CDYL2: variants seen among roughly 807,000 people sequenced by gnomAD.
The protein encoded by CDYL2 is chromodomain Y-like protein 2.
A neutral mutation model predicts 49.4 loss-of-function variants in CDYL2; 23 were observed. That is an observed-to-expected ratio of 0.47 (90% CI 0.34 to 0.66). The LOEUF (loss-of-function observed/expected upper bound fraction) is 0.66. Among genes scored for constraint, CDYL2 ranks in the 30% least tolerant of loss-of-function variants. The pLI is 0.01. For synonymous variants in CDYL2, 360 were observed against 268.8 expected (o/e 1.34, Z -3.32); for missense variants, 678 against 656.4 (o/e 1.03, Z -0.36).
At chr16:80,699,169 G>C (rs1904288594) in intron 1 of CDYL2, among the ~76,000 whole-genome samples, 1 of 152,114 alleles carries the variant, frequency 6.6e-6, no homozygotes, top group Admixed American at 6.5e-5. Flanking sequence ...TATATCCAAA[G>C]GAAGGAAAAT....
intron 1 of CDYL2, among the ~76,000 whole-genome samples, chr16:80,690,849 GA>G (rs1238639285): frequency 7.9e-5 from 12 of 152,216 alleles, no homozygotes; most frequent in Admixed American, 4.6e-4. Context: ...GGTCCAAATG[GA>G]AACAGACTCA....
At chr16:80,644,124 A>T (rs1908228156) in intron 2 of CDYL2, among the ~76,000 whole-genome samples, 1 of 152,232 alleles carries the variant, frequency 6.6e-6, no homozygotes, top group Admixed American at 6.5e-5. Context: ...TTCACGAGAC[A>T]CACTAAATCA....
At chr16:80,631,441 A>T (rs1478501575) in intron 3 of CDYL2, among the ~76,000 whole-genome samples, 10 of 152,198 alleles carry the variant, frequency 6.6e-5, no homozygotes. Context: ...TGTATTTTGA[A>T]TGATGTTGTC....
chr16:80,643,741 G>A (rs911899503), intron 2 of CDYL2, among the ~76,000 whole-genome samples: 1 of 152,232 alleles, frequency 6.6e-6, no homozygotes, highest in South Asian at 2.1e-4. Flanking sequence ...TTCAGCCATG[G>A]CTGGAGCAGC....
In CDYL2 at chr16:80,604,371, C is replaced by A. The variant is rs1053357397; in HGVS notation, c.*17G>T. The A allele has an allele frequency of 6.2e-7, 1 of 1,613,674 alleles. No individual in the cohort carries two copies. The highest frequency in any genetic ancestry group is 8.5e-7 in the Non-Finnish European group (1 of 1,179,844). On this transcript the variant is annotated 3_prime_UTR_variant, in exon 7 of 7. Coordinates refer to ENST00000570137, the MANE Select transcript of CDYL2 (RefSeq NM_152342.4). ...CAGGGCAGAGCTGGAAGTTGGGGGCCCGTGAGCTGGGGCCCCTCAGACTTC... is the reference window on the plus strand; with the variant it reads ...CAGGGCAGAGCTGGAAGTTGGGGGCACGTGAGCTGGGGCCCCTCAGACTTC...
At chr16:80,772,889 G>C (rs1906954223) in intron 1 of CDYL2, among the ~76,000 whole-genome samples, 1 of 152,008 alleles carries the variant, frequency 6.6e-6, no homozygotes, top group Admixed American at 6.6e-5. Flanking sequence ...TGAAAGTAGA[G>C]AAATAGGAAC....
intron 3 of CDYL2, among the ~76,000 whole-genome samples, chr16:80,630,554 G>T (rs1363480257): frequency 6.6e-6 from 1 of 152,174 alleles, no homozygotes; most frequent in African/African-American, 2.4e-5. Flanking sequence ...ATGAAGAGCT[G>T]CTTTCGGGGT....
intron 2 of CDYL2, among the ~76,000 whole-genome samples, chr16:80,679,240 T>C (rs1411487492): frequency 2.6e-5 from 4 of 151,760 alleles, no homozygotes; most frequent in Admixed American, 6.6e-5. Flanking sequence ...TGTACACATG[T>C]ACCCTAAAAC....
chr16:80,758,294 T>C (rs908298640), intron 1 of CDYL2, among the ~76,000 whole-genome samples: 1 of 151,884 alleles, frequency 6.6e-6, no homozygotes, highest in Non-Finnish European at 1.5e-5. Flanking sequence ...AAATTCCAGA[T>C]AACTTACATA....
chr16:80,622,234 C>G (rs573114408), intron 3 of CDYL2, among the ~76,000 whole-genome samples: 1 of 152,308 alleles, frequency 6.6e-6, no homozygotes, highest in East Asian at 1.9e-4. Context: ...GGTGGGGCAG[C>G]TAGGAGAGCC....
intron 1 of CDYL2, among the ~76,000 whole-genome samples, chr16:80,796,521 G>C: frequency 6.6e-6 from 1 of 152,118 alleles, no homozygotes. Context: ...ACTCCATTAC[G>C]TATGTTCTAC....
intron 2 of CDYL2, chr16:80,662,803 C>T: frequency 2.2e-6 from 1 of 454,992 alleles, no homozygotes; most frequent in South Asian, 1.6e-5. Flanking sequence ...GTAGGAAAAT[C>T]ATCATGGATA....
Position 80,684,704 on chromosome 16 carries a change from T to C in CDYL2, c.450A>G (p.Lys150=), listed in dbSNP as rs1409376005. Residue 150 remains lysine (K), a synonymous_variant, in exon 2 of 7, where the codon AAA becomes AAG. Transcript: ENST00000570137. ...CATTTTCCATCCCGTTCTGAGACTT[T>C]TTCAGGGGCATTATTTGCAAACCAC... The part of the protein sequence containing the change: ...TPSGLQIMPL[K]KSQNGMENGD... The C allele has an allele frequency of 5.0e-6, 8 of 1,614,056 alleles. No homozygotes were observed. The highest frequency in any genetic ancestry group is 1.3e-5 in the African/African-American group (1 of 74,916).
chr16:80,618,342 T>C (rs1567542332), intron 4 of CDYL2, among the ~76,000 whole-genome samples: 3 of 152,318 alleles, frequency 2.0e-5, no homozygotes, highest in South Asian at 4.1e-4. Context: ...TCTTTCTCCA[T>C]GAATTTGGTT....
chr16:80,745,772 T>C (rs907713866), intron 1 of CDYL2, among the ~76,000 whole-genome samples: 2 of 152,174 alleles, frequency 1.3e-5, no homozygotes, highest in Admixed American at 6.5e-5. Flanking sequence ...CTGGAGAAAT[T>C]TGGAGTCAAT....
intron 2 of CDYL2, among the ~76,000 whole-genome samples, chr16:80,677,505 G>C (rs1909800411): frequency 6.6e-6 from 1 of 152,064 alleles, no homozygotes; most frequent in African/African-American, 2.4e-5. Context: ...TTGGGAGGCT[G>C]AGGCGGGCGG....
In CDYL2 at chr16:80,633,142, T is replaced by A. The variant is rs1291747136; in HGVS notation, c.711A>T (p.Arg237Ser). The A allele has an allele frequency of 6.2e-7, 1 of 1,614,100 alleles. No individual in the cohort carries two copies. The highest frequency in any genetic ancestry group is 8.5e-7 in the Non-Finnish European group (1 of 1,180,042). Reference protein sequence around the residue: ...EKDYVFDKRLRYSVRQNESNC... With the variant: ...EKDYVFDKRLSYSVRQNESNC... ...TGCTTTCATTCTGGCGGACACTGTATCTGAGCCTTTTGTCAAAGACGTAGT... is the reference window on the plus strand; with the variant it reads ...TGCTTTCATTCTGGCGGACACTGTAACTGAGCCTTTTGTCAAAGACGTAGT... Residue 237 changes from arginine to serine, a missense_variant, in exon 3 of 7, where the codon AGA becomes AGT. Around this residue, in one of 3 missense-constraint regions of CDYL2, gnomAD observed 478 missense variants for 427.0 expected, o/e 1.12. Coordinates refer to ENST00000570137, the MANE Select transcript of CDYL2 (RefSeq NM_152342.4).
chr16:80,785,196 T>C (rs1253027798), intron 1 of CDYL2, among the ~76,000 whole-genome samples: 1 of 152,170 alleles, frequency 6.6e-6, no homozygotes, highest in Non-Finnish European at 1.5e-5. Context: ...GATGACATGA[T>C]TGTATGTTTA....
chr16:80,662,727 T>C lies in CDYL2; in HGVS notation c.616+21811A>G, dbSNP rs1042794975. On this transcript the variant is annotated intron_variant, in intron 2 of 6. Transcript: ENST00000570137. ...ATTTTAATTTTTTAATTTTAACTAA[T>C]TGAAATATAACTCTAACCACCTGTG... The C allele has an allele frequency of 2.0e-5, 9 of 455,748 alleles. 1 individual carries two copies. Among genetic ancestry groups the C allele is most frequent in the Admixed American group, 1.2e-4 (5 of 42,562 alleles). 28.2% of individuals were successfully genotyped at this position (455,748 alleles called of 1,614,324 possible).
Sources: allele counts gnomAD v4.1 joint callset (sites outside exome capture counted in the v4.1 genomes callset), GRCh38; gene constraint gnomAD v4.1.1; regional missense constraint gnomAD v4.1.1; transcripts MANE v1.5; gene names NCBI Gene and HGNC (gene_info 2026-07-23, HGNC 2026-07-21).